Variants in TMTC1 observed in about 807,000 individuals in gnomAD.
TMTC1 encodes the protein protein O-mannosyl-transferase TMTC1.
TMTC1 carries 73 observed loss-of-function variants against 104.8 expected under a neutral mutation model. The ratio of observed to expected loss-of-function variants is 0.70; its 90% CI spans 0.58 to 0.85. TMTC1 has a LOEUF of 0.85. Among genes scored for constraint, TMTC1 ranks in the 40% least tolerant of loss-of-function variants. The pLI is 0.00. For synonymous variants in TMTC1, 434 were observed against 428.7 expected (o/e 1.01, Z -0.15); for missense variants, 1,035 against 1,096.1 (o/e 0.94, Z 0.79).
chr12:29,721,251 T>C (rs1186323593), intron 5 of TMTC1, among the ~76,000 whole-genome samples: 1 of 152,088 alleles, frequency 6.6e-6, no homozygotes, highest in Non-Finnish European at 1.5e-5. Flanking sequence ...TTGATAATAA[T>C]AGGATATATG....
chr12:29,573,454 G>A (rs1010268219), intron 8 of TMTC1, among the ~76,000 whole-genome samples: 2 of 152,152 alleles, frequency 1.3e-5, no homozygotes, highest in African/African-American at 4.8e-5. Flanking sequence ...TGTGCCAGGT[G>A]CTGGGGATAC....
intron 5 of TMTC1, chr12:29,659,966 G>C: frequency 6.5e-7 from 1 of 1,535,676 alleles, no homozygotes; most frequent in South Asian, 1.2e-5. Context: ...ACAGACGGAA[G>C]TACAAAATGA....
Position 29,503,106 on chromosome 12 carries a change from A to C in TMTC1, c.*3740T>G, listed in dbSNP as rs1028912471. ...AAGGCCGTTGCGCAGAGGCATTCGCACAACTGCTGCAAAACCCTGCATCAA... is the reference window on the plus strand; with the variant it reads ...AAGGCCGTTGCGCAGAGGCATTCGCCCAACTGCTGCAAAACCCTGCATCAA... On this transcript the variant is annotated 3_prime_UTR_variant, in exon 18 of 18. Coordinates refer to ENST00000539277, the MANE Select transcript of TMTC1 (RefSeq NM_001193451.2). 1.3e-5 allele frequency: 2 copies of C among 152,214 alleles called. No homozygotes were observed. The highest frequency in any genetic ancestry group is 4.8e-5 in the African/African-American group (2 of 41,452). The allele number at this position is 152,214 out of a possible 1,614,324, so 9.4% of individuals were successfully genotyped here.
chr12:29,650,033 A>T (rs1486514471), intron 5 of TMTC1, among the ~76,000 whole-genome samples: 3 of 152,026 alleles, frequency 2.0e-5, no homozygotes, highest in Non-Finnish European at 4.4e-5. Context: ...TCAGTACCTC[A>T]ATCTGCATTT....
chr12:29,671,279 G>A (rs11050357), intron 5 of TMTC1, among the ~76,000 whole-genome samples: 39,071 of 150,220 alleles, frequency 0.26, 5,655 homozygotes, highest in African/African-American at 0.36. Flanking sequence ...CAGCCTGGGC[G>A]ACAGAGTGAG....
At chr12:29,519,246 T>TA (rs1195563363) in intron 12 of TMTC1, 8 of 151,856 alleles carry the variant, frequency 5.3e-5, no homozygotes, top group African/African-American at 1.9e-4. Context: ...GGTATTTTTT[T>TA]ATACAATTTA....
intron 2 of TMTC1, among the ~76,000 whole-genome samples, chr12:29,765,165 A>G (rs1943434683): frequency 6.6e-6 from 1 of 152,196 alleles, no homozygotes; most frequent in Non-Finnish European, 1.5e-5. Context: ...ATTTTATCCA[A>G]AAAGAACATT....
intron 6 of TMTC1, among the ~76,000 whole-genome samples, chr12:29,628,773 C>T (rs1938138369): frequency 6.6e-6 from 1 of 151,956 alleles, no homozygotes; most frequent in Admixed American, 6.6e-5. Flanking sequence ...GAGATTCTTC[C>T]ACCTCAGCCT....
At chr12:29,736,261 CAAAAAA>C (rs367958905) in intron 5 of TMTC1, among the ~76,000 whole-genome samples, 3 of 88,568 alleles carry the variant, frequency 3.4e-5, no homozygotes, top group Admixed American at 1.2e-4. Context: ...TAGGTAAAGC[CAAAAAA>C]AAAAAAAAAA....
chr12:29,727,988 G>A (rs528116503), intron 5 of TMTC1, among the ~76,000 whole-genome samples: 1 of 152,244 alleles, frequency 6.6e-6, no homozygotes, highest in South Asian at 2.1e-4. Flanking sequence ...GCGAAGCAAC[G>A]ACTGGCCACA....
chr12:29,733,143 A>G (rs1012803082), intron 5 of TMTC1, among the ~76,000 whole-genome samples: 1 of 152,230 alleles, frequency 6.6e-6, no homozygotes, highest in African/African-American at 2.4e-5. Context: ...TGAGATGTCA[A>G]GCCCTGGGCA....
intron 6 of TMTC1, among the ~76,000 whole-genome samples, chr12:29,611,777 A>T (rs1946851860): frequency 1.3e-5 from 2 of 152,224 alleles, no homozygotes; most frequent in Admixed American, 6.5e-5. Flanking sequence ...CTTACAAATT[A>T]TTATATGTGT....
intron 8 of TMTC1, among the ~76,000 whole-genome samples, chr12:29,579,313 C>A (rs1164815337): frequency 6.6e-6 from 1 of 152,192 alleles, no homozygotes. Context: ...CCCAAGACAA[C>A]ATCAGAGTTA....
chr12:29,742,480 T>G (rs2136947629), intron 5 of TMTC1, among the ~76,000 whole-genome samples: 1 of 152,278 alleles, frequency 6.6e-6, no homozygotes, highest in South Asian at 2.1e-4. Flanking sequence ...AACATCATGG[T>G]TTGAATAATA....
intron 5 of TMTC1, chr12:29,660,868 C>T: frequency 1.3e-6 from 2 of 1,502,010 alleles, no homozygotes; most frequent in Non-Finnish European, 1.8e-6. Context: ...ATTTCTATTG[C>T]TGCTTGCTCT....
At chr12:29,667,125 C>T (rs1940318073) in intron 5 of TMTC1, among the ~76,000 whole-genome samples, 2 of 152,272 alleles carry the variant, frequency 1.3e-5, no homozygotes, top group Admixed American at 1.3e-4. Context: ...TCTTTTGACA[C>T]TTAACAATAA....
intron 5 of TMTC1, among the ~76,000 whole-genome samples, chr12:29,690,839 G>A (rs1236029348): frequency 6.6e-6 from 1 of 152,130 alleles, no homozygotes; most frequent in African/African-American, 2.4e-5. Flanking sequence ...CTAAGGTTTG[G>A]GTTCTTTTTA....
chr12:29,615,954 T>C (rs555160026), intron 6 of TMTC1, among the ~76,000 whole-genome samples: 134 of 152,284 alleles, frequency 8.8e-4, no homozygotes, highest in African/African-American at 3.1e-3. Context: ...TATATCAAAG[T>C]TGATACTTCC....
intron 6 of TMTC1, among the ~76,000 whole-genome samples, chr12:29,606,972 TGC>T (rs1491230819): frequency 8.3e-6 from 1 of 120,168 alleles, no homozygotes; most frequent in Non-Finnish European, 1.8e-5. Context: ...CCAACCTTCC[TGC>T]CCCCCCCCCT....
Sources: allele counts gnomAD v4.1 joint callset (sites outside exome capture counted in the v4.1 genomes callset), GRCh38; gene constraint gnomAD v4.1.1; transcripts MANE v1.5; gene names NCBI Gene and HGNC (gene_info 2026-07-23, HGNC 2026-07-21).